DHX35: variants seen among roughly 807,000 people sequenced by gnomAD.
DHX35 encodes probable ATP-dependent RNA helicase DHX35.
Under a neutral mutation model 99.6 loss-of-function variants are expected in DHX35, and 84 were observed. That is an observed-to-expected ratio of 0.84 (90% CI 0.71 to 1.01). The LOEUF (loss-of-function observed/expected upper bound fraction) is 1.01. Ranked by LOEUF, DHX35 falls within the 50% of genes least tolerant of loss-of-function variation. The pLI, the probability that DHX35 is intolerant of heterozygous loss-of-function variation, is 0.00. For synonymous variants in DHX35, 331 were observed against 316.2 expected (o/e 1.05, Z -0.50); for missense variants, 852 against 888.5 (o/e 0.96, Z 0.52).
chr20:38,972,084 C>T (rs1405095980), intron 2 of DHX35, among the ~76,000 whole-genome samples: 1 of 144,982 alleles, frequency 6.9e-6, no homozygotes, highest in Non-Finnish European at 1.5e-5. Context: ...TCTCGCCTCA[C>T]TGCAGCCTCC....
chr20:39,038,347 C>G (rs747775599), intron 21 of DHX35, 152 bp from the exon 22 acceptor site: 36 of 888,074 alleles, frequency 4.1e-5, no homozygotes, highest in Non-Finnish European at 6.1e-5. Flanking sequence ...TGGGCTTTTT[C>G]CTTCCAGGCT....
intron 11 of DHX35, 93 bp downstream of exon 11, chr20:39,004,000 A>C (rs1349781906): frequency 7.1e-7 from 1 of 1,412,192 alleles, no homozygotes; most frequent in Non-Finnish European, 9.9e-7. Flanking sequence ...AACACAAGGC[A>C]GACTTCTAGG....
At chr20:38,991,048 A>G (rs894599973) in intron 5 of DHX35, among the ~76,000 whole-genome samples, 1 of 152,246 alleles carries the variant, frequency 6.6e-6, no homozygotes, top group Admixed American at 6.5e-5. Flanking sequence ...GTTTAAGTTA[A>G]TAACCTCAAG....
Position 39,003,824 on chromosome 20 carries a change from C to T in DHX35, c.928C>T (p.Leu310Phe). The change falls in exon 11 of 22, where the codon CTC becomes TTC. Residue 310 changes from leucine (L) to phenylalanine (F), a missense_variant. Physicochemically the swap from Leu to Phe is conservative, Grantham distance 22. Transcript: ENST00000252011. The part of the protein sequence containing the change: ...ALARTGMKRH[L>F]RVLPMYAGLP... ...AGCTCGCACTGGGATGAAGAGACAC[C>T]TCCGAGTTCTCCCCATGTATGCAGG... The T allele has an allele frequency of 6.2e-7, 1 of 1,614,194 alleles. No individual in the cohort carries two copies. Among genetic ancestry groups the T allele is most frequent in the Non-Finnish European group, 8.5e-7 (1 of 1,180,038 alleles).
At chr20:39,018,966 C>T in intron 15 of DHX35, 67 bp downstream of exon 15, 1 of 1,443,550 alleles carries the variant, frequency 6.9e-7, no homozygotes, top group East Asian at 2.3e-5. Flanking sequence ...TGCCTGAATT[C>T]TGAGCACCCT....
chr20:39,021,873 A>T lies in DHX35; in HGVS notation c.1531A>T (p.Ile511Phe). The T allele has an allele frequency of 6.2e-7, 1 of 1,614,200 alleles. No homozygotes were observed. The highest frequency in any genetic ancestry group is 8.5e-7 in the Non-Finnish European group (1 of 1,180,016). Residue 511 changes from isoleucine (I) to phenylalanine (F), a missense_variant, in exon 16 of 22, where the codon ATC becomes TTC. Ile to Phe is a conservative substitution (Grantham distance 21). Coordinates refer to ENST00000252011, the MANE Select transcript of DHX35 (RefSeq NM_021931.4). ...CGGCTGTTCTCAGGAAATTCTAAGC[A>T]TCGCTGCCATGATGCAGATCCAGAA... Reference protein sequence around the residue: ...NFGCSQEILSIAAMMQIQNIF... With the variant: ...NFGCSQEILSFAAMMQIQNIF...
chr20:38,969,417 C>G (rs569172881), intron 2 of DHX35, among the ~76,000 whole-genome samples: 13 of 152,132 alleles, frequency 8.5e-5, no homozygotes, highest in Non-Finnish European at 1.6e-4. Context: ...TTTTCAGTTG[C>G]ATCGTACATA....
At chr20:39,012,408 CTAAA>C (rs1178435197) in intron 13 of DHX35, among the ~76,000 whole-genome samples, 1 of 152,006 alleles carries the variant, frequency 6.6e-6, no homozygotes, top group Non-Finnish European at 1.5e-5. Flanking sequence ...TAAATATTCA[CTAAA>C]TAAAGCTAAA....
At chr20:39,023,609 TCACCAAATG>T in intron 16 of DHX35, 72 bp from the exon 17 acceptor site, 1 of 1,376,412 alleles carries the variant, frequency 7.3e-7, no homozygotes, top group South Asian at 1.2e-5. Context: ...CACCTTAGCC[TCACCAAATG>T]CTGGGATTAT....
At chr20:39,033,678 A>G (rs1440691499) in intron 20 of DHX35, among the ~76,000 whole-genome samples, 1 of 152,216 alleles carries the variant, frequency 6.6e-6, no homozygotes, top group Admixed American at 6.5e-5. Context: ...TCGGTTGTCT[A>G]TTACCTGAGC....
intron 3 of DHX35, among the ~76,000 whole-genome samples, chr20:38,974,204 A>C (rs1216878540): frequency 6.6e-6 from 1 of 152,236 alleles, no homozygotes; most frequent in Non-Finnish European, 1.5e-5. Context: ...ATTGAGATAT[A>C]AGGTGACTTA....
At chr20:39,035,918 G>T (rs2087143663) in intron 21 of DHX35, among the ~76,000 whole-genome samples, 1 of 152,192 alleles carries the variant, frequency 6.6e-6, no homozygotes, top group Non-Finnish European at 1.5e-5. Flanking sequence ...AGATATTTCA[G>T]CTGGAAAGCA....
chr20:39,025,117 AT>A (rs773898381), intron 17 of DHX35, 112 bp from the exon 18 acceptor site: 21 of 1,280,440 alleles, frequency 1.6e-5, no homozygotes, highest in Non-Finnish European at 2.1e-5. Context: ...CCATCTTTAG[AT>A]CTTATGCCGT....
intron 20 of DHX35, among the ~76,000 whole-genome samples, chr20:39,032,238 C>A (rs1040009107): frequency 1.3e-5 from 2 of 152,214 alleles, no homozygotes; most frequent in Non-Finnish European, 2.9e-5. Flanking sequence ...GTGGTGTGAT[C>A]TTGGCTCACT....
At chr20:38,989,742 T>C (rs1476549819) in intron 5 of DHX35, among the ~76,000 whole-genome samples, 1 of 152,188 alleles carries the variant, frequency 6.6e-6, no homozygotes, top group East Asian at 1.9e-4. Context: ...CATATGAAAA[T>C]GGATTTTACA....
chr20:38,977,991 G>C, intron 3 of DHX35: 1 of 691,168 alleles, frequency 1.4e-6, no homozygotes, highest in South Asian at 1.4e-5. Context: ...CACCTCCAGG[G>C]GCAGATCACC....
chr20:38,977,924 A>G (rs2145848457), intron 3 of DHX35: 1 of 598,216 alleles, frequency 1.7e-6, no homozygotes, highest in South Asian at 1.4e-5. Context: ...TCATCATCAA[A>G]ATCATCATCA....
At chr20:39,034,010 C>G (rs1568765317) in intron 20 of DHX35, among the ~76,000 whole-genome samples, 196 bp from the exon 21 acceptor site, 2 of 152,208 alleles carry the variant, frequency 1.3e-5, no homozygotes, top group African/African-American at 2.4e-5. Context: ...AGAGTCTCAT[C>G]TGAAAAATGG....
chr20:39,007,696 C>A (rs2086641171), intron 12 of DHX35, among the ~76,000 whole-genome samples: 1 of 151,992 alleles, frequency 6.6e-6, no homozygotes, highest in Non-Finnish European at 1.5e-5. Flanking sequence ...ATGGAAGGTA[C>A]AAGTACTTGC....
Sources: allele counts gnomAD v4.1 joint callset (sites outside exome capture counted in the v4.1 genomes callset), GRCh38; gene constraint gnomAD v4.1.1; transcripts MANE v1.5; gene names NCBI Gene and HGNC (gene_info 2026-07-23, HGNC 2026-07-21).